Variants in ATG10 observed in about 807,000 individuals in gnomAD.
The protein encoded by ATG10 is autophagy related 10.
ATG10 carries 30 observed loss-of-function variants against 32.1 expected under a neutral mutation model. The ratio of observed to expected loss-of-function variants is 0.94; its 90% CI spans 0.70 to 1.27. The LOEUF (loss-of-function observed/expected upper bound fraction) is 1.27, where lower values mean the gene tolerates loss of function less well. ATG10 is among the 50% of genes most tolerant of loss of function. The pLI, the probability that ATG10 is intolerant of heterozygous loss-of-function variation, is 0.00. For missense variants in ATG10, 233 were observed against 262.3 expected, an observed-to-expected ratio of 0.89 and a Z score of 0.77; for synonymous variants, 87 against 91.5, an observed-to-expected ratio of 0.95 and a Z score of 0.28.
intron 4 of ATG10, among the ~76,000 whole-genome samples, chr5:82,165,771 T>C (rs1475236848): frequency 6.6e-6 from 1 of 152,220 alleles, no homozygotes; most frequent in Non-Finnish European, 1.5e-5. Context: ...AGCTGTGCTA[T>C]ACTAAAAAGT....
At chr5:82,077,361 C>A (rs1241251294) in intron 3 of ATG10, among the ~76,000 whole-genome samples, 1 of 152,016 alleles carries the variant, frequency 6.6e-6, no homozygotes, top group Non-Finnish European at 1.5e-5. Flanking sequence ...AAAAAATAGA[C>A]TAACAAAATA....
intron 3 of ATG10, among the ~76,000 whole-genome samples, chr5:82,090,920 A>G (rs1016645586): frequency 1.3e-5 from 2 of 152,204 alleles, no homozygotes; most frequent in Non-Finnish European, 2.9e-5. Flanking sequence ...GGTGCTTTTT[A>G]ATATAATTAG....
At chr5:82,193,834 A>C (rs1302208144) in intron 5 of ATG10, among the ~76,000 whole-genome samples, 1 of 152,184 alleles carries the variant, frequency 6.6e-6, no homozygotes, top group African/African-American at 2.4e-5. Context: ...CCTTTATCGG[A>C]TGATAAAGAA....
intron 5 of ATG10, among the ~76,000 whole-genome samples, chr5:82,199,162 T>C (rs1340211748): frequency 3.3e-5 from 5 of 152,222 alleles, no homozygotes; most frequent in Non-Finnish European, 7.3e-5. Flanking sequence ...GTAAGGAATC[T>C]TCAAATTAAA....
chr5:82,203,589 A>AT (rs1370956070), intron 5 of ATG10, among the ~76,000 whole-genome samples: 3 of 151,836 alleles, frequency 2.0e-5, no homozygotes, highest in Non-Finnish European at 4.4e-5. Flanking sequence ...TGCTATATAT[A>AT]TTTTTTATCT....
intron 2 of ATG10, among the ~76,000 whole-genome samples, chr5:81,988,386 G>A (rs748489951): frequency 1.3e-5 from 2 of 152,066 alleles, no homozygotes; most frequent in Non-Finnish European, 2.9e-5. Context: ...TGATCCACCC[G>A]CCTCAGCCTC....
chr5:82,242,811 G>GTGT (rs1290362299), intron 5 of ATG10: 1 of 451,784 alleles, frequency 2.2e-6, no homozygotes, highest in African/African-American at 2.0e-5. Context: ...TCACCAAGAG[G>GTGT]TGTTCAGAAG....
chr5:82,194,371 T>C (rs921469691), intron 5 of ATG10, among the ~76,000 whole-genome samples: 4 of 152,212 alleles, frequency 2.6e-5, no homozygotes, highest in African/African-American at 9.6e-5. Flanking sequence ...AGAGGGCACA[T>C]CGCCTAGATG....
At chr5:82,135,657 G>A (rs746801138) in intron 3 of ATG10, among the ~76,000 whole-genome samples, 14 of 152,124 alleles carry the variant, frequency 9.2e-5, no homozygotes, top group East Asian at 3.8e-4. Flanking sequence ...TCGATTTTAG[G>A]ATAAGTGCTA....
intron 3 of ATG10, among the ~76,000 whole-genome samples, chr5:82,097,625 A>G (rs1765112280): frequency 6.6e-6 from 1 of 152,270 alleles, no homozygotes; most frequent in Non-Finnish European, 1.5e-5. Context: ...GTAATGGCAG[A>G]AACAGCAATT....
intron 3 of ATG10, among the ~76,000 whole-genome samples, chr5:82,138,403 G>A (rs983931439): frequency 3.3e-5 from 5 of 152,208 alleles, no homozygotes; most frequent in African/African-American, 1.2e-4. Context: ...AAAGACGGTG[G>A]GAAGAGCATA....
At chr5:82,015,082 A>G (rs1261468226) in intron 2 of ATG10, among the ~76,000 whole-genome samples, 2 of 152,138 alleles carry the variant, frequency 1.3e-5, no homozygotes, top group Admixed American at 1.3e-4. Flanking sequence ...TCCTTCACTT[A>G]TGAAGCTTAG....
chr5:82,184,555 C>T (rs574336113), intron 5 of ATG10, among the ~76,000 whole-genome samples: 2 of 152,140 alleles, frequency 1.3e-5, no homozygotes, highest in African/African-American at 2.4e-5. Flanking sequence ...CTGTCACCCT[C>T]GCTGTCTCTC....
intron 2 of ATG10, among the ~76,000 whole-genome samples, chr5:82,012,564 T>A (rs1186479755): frequency 6.6e-6 from 1 of 152,236 alleles, no homozygotes; most frequent in Non-Finnish European, 1.5e-5. Flanking sequence ...TTCCATACAA[T>A]TGGTGTACAA....
At chr5:82,250,620 A>G (rs766382237) in intron 5 of ATG10, among the ~76,000 whole-genome samples, 1 of 152,156 alleles carries the variant, frequency 6.6e-6, no homozygotes, top group Middle Eastern at 3.2e-3. Flanking sequence ...TGTCACCACA[A>G]TCCCTCCAGA....
intron 5 of ATG10, among the ~76,000 whole-genome samples, chr5:82,236,226 C>T (rs148896895): frequency 2.6e-5 from 4 of 152,038 alleles, no homozygotes; most frequent in Admixed American, 2.0e-4. Flanking sequence ...TTTACATAAG[C>T]TCCTGATTTT....
At position 82,111,019 on chromosome 5, in the gene ATG10, T is replaced by C. The variant is rs570889796; in HGVS notation, c.216+52417T>C. ...AGATTATGATAAAAATTAACAAGTT[T>C]AGAGTTATGGTTTTAGGATACATGT... is the stretch of plus-strand genomic sequence containing the variant. On this transcript the variant is annotated intron_variant, in intron 3 of 7. Coordinates refer to ENST00000282185, the MANE Select transcript of ATG10 (RefSeq NM_031482.5). Among the ~76,000 whole-genome samples, 4 of 152,074 alleles carry C rather than the reference T, an allele frequency of 2.6e-5. No individual in the cohort carries two copies. In the South Asian group the frequency reaches 6.2e-4, roughly 24 times the overall value.
chr5:82,124,942 C>A (rs907249604), intron 3 of ATG10, among the ~76,000 whole-genome samples: 1 of 152,180 alleles, frequency 6.6e-6, no homozygotes, highest in Non-Finnish European at 1.5e-5. Flanking sequence ...CACATCCTCT[C>A]CAGCATCTGT....
intron 3 of ATG10, among the ~76,000 whole-genome samples, chr5:82,116,643 C>T (rs1391594725): frequency 1.3e-5 from 2 of 152,052 alleles, no homozygotes; most frequent in South Asian, 2.1e-4. Flanking sequence ...ATTATTGCCT[C>T]ACTAGGACCT....
Sources: allele counts gnomAD v4.1 joint callset (sites outside exome capture counted in the v4.1 genomes callset), GRCh38; gene constraint gnomAD v4.1.1; transcripts MANE v1.5; gene names NCBI Gene and HGNC (gene_info 2026-07-23, HGNC 2026-07-21).